Variants in RANBP2 observed in about 807,000 individuals in gnomAD.
The protein encoded by RANBP2 is E3 SUMO-protein ligase RanBP2.
In RANBP2, 57 loss-of-function variants were observed where a neutral mutation model predicts 303.6. That is an observed-to-expected ratio of 0.19 (90% confidence interval 0.15 to 0.23). The LOEUF (loss-of-function observed/expected upper bound fraction) is 0.23, where lower values mean the gene tolerates loss of function less well. Ranked by LOEUF, RANBP2 falls within the 10% of genes least tolerant of loss-of-function variation. RANBP2 has a pLI of 1.00. For synonymous variants in RANBP2, 1,167 were observed against 1,301.5 expected (o/e 0.90, Z 2.23); for missense variants, 3,138 against 3,780.8 (o/e 0.83, Z 4.46).
At chr2:108,748,321 C>T (rs1484390302) in intron 8 of RANBP2, among the ~76,000 whole-genome samples, 2 of 151,814 alleles carry the variant, frequency 1.3e-5, no homozygotes, top group Non-Finnish European at 2.9e-5. Context: ...CATTCTCCTC[C>T]CTCAGCCTCC....
chr2:109,194,750 A>G, the RANBP2 span, among the ~76,000 whole-genome samples: 1 of 152,188 alleles, frequency 6.6e-6, no homozygotes, highest in Admixed American at 6.5e-5. Context: ...GATGCTTCCA[A>G]TCCTGAATGC....
the RANBP2 span, among the ~76,000 whole-genome samples, chr2:108,933,627 C>T: frequency 1.3e-5 from 2 of 152,210 alleles, no homozygotes; most frequent in African/African-American, 2.4e-5. Flanking sequence ...CCACACACTG[C>T]CTGCACTTTA....
the RANBP2 span, among the ~76,000 whole-genome samples, chr2:109,058,292 C>T: frequency 6.6e-6 from 1 of 152,182 alleles, no homozygotes; most frequent in Non-Finnish European, 1.5e-5. Flanking sequence ...GTACTGACTT[C>T]CCAGCCAGCT....
chr2:109,208,302 A>T, the RANBP2 span, among the ~76,000 whole-genome samples: 1 of 152,202 alleles, frequency 6.6e-6, no homozygotes. Context: ...CAGGTGGGGC[A>T]TATCCCTTCC....
the RANBP2 span, chr2:109,348,073 G>A: frequency 0.01 from 13,723 of 1,333,352 alleles, 124 homozygotes; most frequent in East Asian, 0.031. Context: ...GGCTCCTCCC[G>A]GAACCCTGGG....
chr2:109,136,991 T>C, the RANBP2 span, among the ~76,000 whole-genome samples: 1 of 152,216 alleles, frequency 6.6e-6, no homozygotes, highest in Admixed American at 6.5e-5. Flanking sequence ...CACAGATATT[T>C]AAGTACCTGC....
chr2:108,965,333 T>C, the RANBP2 span, among the ~76,000 whole-genome samples: 5 of 151,918 alleles, frequency 3.3e-5, no homozygotes, highest in African/African-American at 7.3e-5. Flanking sequence ...AAAACAAAAT[T>C]AGCTGGGCGT....
At chr2:109,358,129 C>G in the RANBP2 span, among the ~76,000 whole-genome samples, 3 of 152,140 alleles carry the variant, frequency 2.0e-5, no homozygotes, top group Non-Finnish European at 4.4e-5. Context: ...GAACGTCATA[C>G]GGTTGAAATC....
At chr2:108,826,058 GGTAA>G in the RANBP2 span, among the ~76,000 whole-genome samples, 1 of 152,094 alleles carries the variant, frequency 6.6e-6, no homozygotes, top group South Asian at 2.1e-4. Flanking sequence ...ATCTTTTATT[GGTAA>G]GTGTCTACTT....
At chr2:108,759,252 A>G (rs1433160933) in intron 18 of RANBP2, among the ~76,000 whole-genome samples, 2 of 152,096 alleles carry the variant, frequency 1.3e-5, no homozygotes, top group Admixed American at 6.6e-5. Flanking sequence ...TAATTACAGT[A>G]ACTTAGAATG....
chr2:108,781,223 G>T (rs780212622), intron 25 of RANBP2, 46 bp from the exon 26 acceptor site: 1 of 1,595,844 alleles, frequency 6.3e-7, no homozygotes, highest in Non-Finnish European at 8.6e-7. Flanking sequence ...GATGAAAAAT[G>T]TAAAAAATAG....
At chr2:109,146,792 C>T in the RANBP2 span, among the ~76,000 whole-genome samples, 2 of 5,946 alleles carry the variant, frequency 3.4e-4, no homozygotes, top group African/African-American at 1.7e-3. Flanking sequence ...TCTTTAGTGC[C>T]CCCCCCATTC....
the RANBP2 span, among the ~76,000 whole-genome samples, chr2:109,069,228 G>C: frequency 6.6e-6 from 1 of 152,166 alleles, no homozygotes; most frequent in African/African-American, 2.4e-5. Flanking sequence ...ATAAAAAGGG[G>C]GGCTTATAAA....
the RANBP2 span, among the ~76,000 whole-genome samples, chr2:108,850,828 A>G: frequency 1.3e-5 from 2 of 151,826 alleles, no homozygotes; most frequent in South Asian, 4.2e-4. Context: ...CCACATGACA[A>G]TAATCATCCA....
At chr2:108,942,012 G>A in the RANBP2 span, among the ~76,000 whole-genome samples, 10 of 152,242 alleles carry the variant, frequency 6.6e-5, no homozygotes, top group Admixed American at 3.9e-4. Context: ...CCCCTTGTGT[G>A]ATGGAAACTC....
the RANBP2 span, among the ~76,000 whole-genome samples, chr2:109,483,720 C>T: frequency 6.6e-6 from 1 of 152,236 alleles, no homozygotes. Context: ...TTGTGGCTGT[C>T]ACCCAGCTGT....
At chr2:109,203,494 C>G in the RANBP2 span, among the ~76,000 whole-genome samples, 1 of 152,176 alleles carries the variant, frequency 6.6e-6, no homozygotes, top group Non-Finnish European at 1.5e-5. Flanking sequence ...AGTCCCACCG[C>G]TCCCCATTGC....
chr2:109,552,262 CTGA>C, the RANBP2 span, among the ~76,000 whole-genome samples: 2 of 152,200 alleles, frequency 1.3e-5, no homozygotes, highest in Non-Finnish European at 2.9e-5. Flanking sequence ...TTGGGGACCA[CTGA>C]TCTAGACCAC....
At chr2:109,365,262 A>T in the RANBP2 span, among the ~76,000 whole-genome samples, 14 of 152,282 alleles carry the variant, frequency 9.2e-5, no homozygotes, top group African/African-American at 3.4e-4. Context: ...GGCACAATTC[A>T]CAAAGGTGTG....
Sources: allele counts gnomAD v4.1 joint callset (sites outside exome capture counted in the v4.1 genomes callset), GRCh38; gene constraint gnomAD v4.1.1; transcripts MANE v1.5; gene names NCBI Gene and HGNC (gene_info 2026-07-23, HGNC 2026-07-21).